MSRA: variants seen among roughly 807,000 people sequenced by gnomAD.
MSRA encodes the protein methionine sulfoxide reductase A.
In MSRA, 54 loss-of-function variants were observed where a neutral mutation model predicts 31.3. The ratio of observed to expected loss-of-function variants is 1.73; its 90% confidence interval spans 1.39 to 2.17. The LOEUF is 2.17. MSRA is among the 30% of genes most tolerant of loss of function. The pLI is 0.00. For synonymous variants in MSRA, 169 were observed against 116.5 expected (o/e 1.45, Z -2.90); for missense variants, 507 against 300.9 (o/e 1.69, Z -5.07).
intron 5 of MSRA, among the ~76,000 whole-genome samples, chr8:10,401,710 C>T (rs1304728659): frequency 6.6e-6 from 1 of 152,106 alleles, no homozygotes; most frequent in African/African-American, 2.4e-5. Context: ...TATAGATACG[C>T]AATGGACTGC....
chr8:10,076,388 C>T lies in MSRA; in HGVS notation c.142+21730C>T, dbSNP rs1184661206. Reference sequence around the variant, plus strand: ...GTGGCTAAGCTGTAGGTGCACATGGCCTTCAACTCCACCTGAGCTCCAGCC... The same window carrying T: ...GTGGCTAAGCTGTAGGTGCACATGGTCTTCAACTCCACCTGAGCTCCAGCC... On this transcript the variant is annotated intron_variant, in intron 1 of 5. Coordinates refer to ENST00000317173, the MANE Select transcript of MSRA (RefSeq NM_012331.5). Among the ~76,000 whole-genome samples, 5 of 152,296 alleles carry T rather than the reference C, an allele frequency of 3.3e-5. No homozygotes were observed. The East Asian group carries it at 7.7e-4, about 24-fold the overall frequency.
intron 5 of MSRA, among the ~76,000 whole-genome samples, chr8:10,390,606 C>T (rs950400231): frequency 1.3e-5 from 2 of 152,092 alleles, no homozygotes; most frequent in African/African-American, 2.4e-5. Flanking sequence ...GGCATTTTTT[C>T]GAGGTTTATC....
intron 5 of MSRA, among the ~76,000 whole-genome samples, chr8:10,414,483 A>G (rs957219054): frequency 6.6e-6 from 1 of 152,198 alleles, no homozygotes; most frequent in East Asian, 1.9e-4. Flanking sequence ...AAAGTTCTGC[A>G]TCCTGAGACA....
intron 1 of MSRA, among the ~76,000 whole-genome samples, chr8:10,100,997 T>C (rs1446001925): frequency 6.6e-6 from 1 of 152,236 alleles, no homozygotes; most frequent in East Asian, 1.9e-4. Flanking sequence ...TAAGTTATTG[T>C]ACCTCATCTG....
At chr8:10,279,908 A>T (rs1480274380) in intron 3 of MSRA, among the ~76,000 whole-genome samples, 1 of 152,196 alleles carries the variant, frequency 6.6e-6, no homozygotes, top group Non-Finnish European at 1.5e-5. Context: ...AAATGTGGCA[A>T]ATCTGTTTCT....
chr8:10,175,009 G>C (rs1302546124), intron 1 of MSRA, among the ~76,000 whole-genome samples: 1 of 152,054 alleles, frequency 6.6e-6, no homozygotes, highest in Non-Finnish European at 1.5e-5. Flanking sequence ...TATAGCCCCT[G>C]ACGTTCTCTG....
intron 1 of MSRA, among the ~76,000 whole-genome samples, chr8:10,145,057 A>T (rs937846287): frequency 2.6e-5 from 4 of 152,102 alleles, no homozygotes; most frequent in Non-Finnish European, 4.4e-5. Context: ...TATGTCAAGG[A>T]TGAAATTATA....
intron 1 of MSRA, among the ~76,000 whole-genome samples, chr8:10,156,505 G>A (rs1300837586): frequency 1.3e-5 from 2 of 152,114 alleles, no homozygotes; most frequent in African/African-American, 4.8e-5. Flanking sequence ...TAGGTGGAGA[G>A]TTATCAGTAT....
At chr8:10,378,307 A>G (rs62490347) in intron 5 of MSRA, among the ~76,000 whole-genome samples, 1,644 of 152,228 alleles carry the variant, frequency 0.011, 13 homozygotes, top group South Asian at 0.03. Context: ...CCACAGGGAA[A>G]AGCTGTTGCC....
intron 5 of MSRA, among the ~76,000 whole-genome samples, chr8:10,368,802 A>G (rs748461083): frequency 6.6e-6 from 1 of 152,236 alleles, no homozygotes; most frequent in Non-Finnish European, 1.5e-5. Context: ...CTGCCCGCAC[A>G]TGCTTGTACC....
chr8:10,322,372 A>C (rs1295365073), intron 5 of MSRA, among the ~76,000 whole-genome samples: 1 of 138,266 alleles, frequency 7.2e-6, no homozygotes, highest in African/African-American at 2.6e-5. Flanking sequence ...GGATGGTGGA[A>C]GTATGGGTGG....
intron 1 of MSRA, among the ~76,000 whole-genome samples, chr8:10,199,442 C>T (rs925668114): frequency 6.6e-6 from 1 of 152,226 alleles, no homozygotes; most frequent in Non-Finnish European, 1.5e-5. Flanking sequence ...GCCTCAGCCT[C>T]CTGAGTAGCT....
chr8:10,351,207 C>CATGTAATGAA (rs1259877701), intron 5 of MSRA, among the ~76,000 whole-genome samples: 8 of 141,572 alleles, frequency 5.7e-5, no homozygotes, highest in African/African-American at 2.1e-4. Flanking sequence ...CCAAAAACAT[C>CATGTAATGAA]ATGTAATGAA....
chr8:10,080,101 C>G (rs1006024194), intron 1 of MSRA, among the ~76,000 whole-genome samples: 1 of 152,196 alleles, frequency 6.6e-6, no homozygotes, highest in Non-Finnish European at 1.5e-5. Flanking sequence ...TCTCCCCCAT[C>G]TTTTTCTCTG....
intron 4 of MSRA, among the ~76,000 whole-genome samples, chr8:10,314,600 T>A (rs1801611911): frequency 6.6e-6 from 1 of 152,210 alleles, no homozygotes; most frequent in South Asian, 2.1e-4. Context: ...GTTCAGCATG[T>A]ACTTAAGTTG....
intron 2 of MSRA, 83 bp downstream of exon 2, chr8:10,207,984 G>A (rs1809149529): frequency 1.8e-6 from 2 of 1,109,900 alleles, no homozygotes; most frequent in Middle Eastern, 4.7e-4. Flanking sequence ...GTGTTCTCAG[G>A]GCTTCAAAAT....
At chr8:10,087,960 T>C (rs4841277) in intron 1 of MSRA, among the ~76,000 whole-genome samples, 81,108 of 152,040 alleles carry the variant, frequency 0.53, 23,567 homozygotes, top group Middle Eastern at 0.67. Flanking sequence ...TTGCCATTAC[T>C]TTTAATGGCA....
chr8:10,257,436 C>T (rs1310180248), intron 3 of MSRA, among the ~76,000 whole-genome samples: 1 of 152,110 alleles, frequency 6.6e-6, no homozygotes, highest in African/African-American at 2.4e-5. Flanking sequence ...GATGGAGTTT[C>T]GCTCTTGTTG....
intron 1 of MSRA, among the ~76,000 whole-genome samples, chr8:10,181,953 G>C (rs1806579705): frequency 6.6e-6 from 1 of 152,164 alleles, no homozygotes; most frequent in African/African-American, 2.4e-5. Flanking sequence ...AGGAGATTAA[G>C]TAAGAAATTT....
Sources: gnomAD v4.1 joint callset for allele counts (sites outside exome capture counted in the v4.1 genomes callset) on GRCh38, gnomAD v4.1.1 for gene constraint, MANE v1.5 for transcripts, NCBI Gene and HGNC (gene_info 2026-07-23, HGNC 2026-07-21) for gene names.